The following RNPEP variants were observed in gnomAD, a reference collection of about 807,000 sequenced individuals.
RNPEP encodes the protein arginyl aminopeptidase.
A neutral mutation model predicts 70.1 loss-of-function variants in RNPEP; 57 were observed. The observed-to-expected ratio is 0.81, with a 90% confidence interval of 0.66 to 1.01. The LOEUF is 1.01. Ranked by LOEUF, RNPEP falls within the 50% of genes least tolerant of loss-of-function variation. The pLI, the probability that RNPEP is intolerant of heterozygous loss-of-function variation, is 0.00. For missense variants in RNPEP, 787 were observed against 852.4 expected, an observed-to-expected ratio of 0.92 and a Z score of 0.96; for synonymous variants, 335 against 357.4, an observed-to-expected ratio of 0.94 and a Z score of 0.71.
At chr1:201,986,536 C>CTTTCTTTTTTTTTT (rs1553303391) in intron 1 of RNPEP, among the ~76,000 whole-genome samples, 13 of 80,588 alleles carry the variant, frequency 1.6e-4, no homozygotes, top group East Asian at 6.4e-4. Flanking sequence ...CATTTTCTTT[C>CTTTCTTTTTTTTTT]TTTTTTTTTT....
intron 3 of RNPEP, among the ~76,000 whole-genome samples, chr1:201,992,533 C>T (rs1683378736): frequency 6.6e-6 from 1 of 152,068 alleles, no homozygotes; most frequent in African/African-American, 2.4e-5. Context: ...GCCTCTCTCC[C>T]ACTATATTCC....
intron 1 of RNPEP, 33 bp downstream of exon 1, chr1:201,983,146 C>A (rs1212408136): frequency 1.4e-6 from 2 of 1,436,486 alleles, no homozygotes; most frequent in Non-Finnish European, 1.8e-6. Context: ...CCGCCGCTGC[C>A]TGCCTGCCCT....
intron 10 of RNPEP, 44 bp from the exon 11 acceptor site, chr1:202,005,514 C>T: frequency 6.2e-7 from 1 of 1,606,286 alleles, no homozygotes; most frequent in Non-Finnish European, 8.5e-7. Context: ...TGGACAGATC[C>T]ACCAGGCAAG....
At chr1:201,989,552 A>G (rs771556607) in intron 3 of RNPEP, 21 bp downstream of exon 3, 1 of 1,613,872 alleles carries the variant, frequency 6.2e-7, no homozygotes, top group South Asian at 1.1e-5. Context: ...AAGACCCCAC[A>G]GGCAAGGTTG....
chr1:201,984,835 T>TG (rs1683075235), intron 1 of RNPEP, among the ~76,000 whole-genome samples: 24 of 109,548 alleles, frequency 2.2e-4, no homozygotes, highest in African/African-American at 6.9e-4. Context: ...TTTTTTTTTT[T>TG]TTTTTTTTTT....
chr1:201,988,632 C>A (rs7535446), intron 1 of RNPEP, among the ~76,000 whole-genome samples: 118,161 of 151,984 alleles, frequency 0.78, 46,125 homozygotes, highest in Admixed American at 0.81. Context: ...ATCAGAGGCT[C>A]GGTCCAAGGT....
intron 2 of RNPEP, 70 bp downstream of exon 2, chr1:201,989,114 C>T: frequency 6.5e-7 from 1 of 1,544,610 alleles, no homozygotes; most frequent in Non-Finnish European, 8.8e-7. Flanking sequence ...TCAATCAGGT[C>T]ACGTTTCAGT....
At chr1:202,001,061 G>GGGAGA (rs1683780664) in intron 6 of RNPEP, 5 of 320,502 alleles carry the variant, frequency 1.6e-5, no homozygotes, top group Non-Finnish European at 2.3e-5. Flanking sequence ...TCCTCTGGAA[G>GGGAGA]GCTGGTTTCT....
rs1325780621 is a variant in RNPEP, at chr1:201,989,416, A to G, written c.622A>G (p.Ser208Gly). ...TGGCTTCACAGCTGTGATGAGTGCT[A>G]GCACCTGGGAGAAGAGAGGTCCAAA... ...PDGFTAVMSASTWEKRGPNKF... is the reference protein window; with the variant it reads ...PDGFTAVMSAGTWEKRGPNKF... Residue 208 changes from serine to glycine, a missense_variant, in exon 3 of 11, where the codon AGC becomes GGC. Ser to Gly is a moderately conservative substitution (Grantham distance 56). Coordinates refer to ENST00000295640, the MANE Select transcript of RNPEP (RefSeq NM_020216.4). The G allele has an allele frequency of 3.1e-6, 5 of 1,614,104 alleles. No homozygotes were observed. The highest frequency in any genetic ancestry group is 4.2e-6 in the Non-Finnish European group (5 of 1,180,046).
chr1:201,989,434 G>T lies in RNPEP; in HGVS notation c.640G>T (p.Gly214Cys). 1 of 1,614,186 alleles carries T rather than the reference G, an allele frequency of 6.2e-7. No individual in the cohort carries two copies. Among genetic ancestry groups the T allele is most frequent in the South Asian group, 1.1e-5 (1 of 91,086 alleles). ...VMSASTWEKR[G>C]PNKFFFQMCQ... ...GAGTGCTAGCACCTGGGAGAAGAGA[G>T]GTCCAAATAAGTTCTTCTTCCAGAT... Residue 214 changes from glycine to cysteine, a missense_variant, in exon 3 of 11, where the codon GGT becomes TGT. Physicochemically the swap from Gly to Cys is radical, Grantham distance 159. Coordinates refer to ENST00000295640, the MANE Select transcript of RNPEP (RefSeq NM_020216.4).
At chr1:201,992,329 A>G (rs535179056) in intron 3 of RNPEP, among the ~76,000 whole-genome samples, 7 of 151,776 alleles carry the variant, frequency 4.6e-5, no homozygotes, top group Non-Finnish European at 8.8e-5. Flanking sequence ...CACAACACCA[A>G]CCTTCAGGGT....
chr1:202,005,626 CG>C lies in RNPEP; in HGVS notation c.1864del (p.Ala622ProfsTer57). On this transcript the variant is annotated frameshift_variant, in exon 11 of 11. Transcript: ENST00000295640. LOFTEE classifies it high-confidence loss of function. ...GTGGCAGTGAGGTGGCCCAGACCCT[CG>C]CCAAGGAGACTTTTGCATCCACCGC... Reference protein sequence around the residue: ...MGGSEVAQTLAKETFASTASQ... With the variant: ...MGGSEVAQTLXKETFASTASQ... 6.2e-7 allele frequency: 1 copy of C among 1,614,190 alleles called. No homozygotes were observed. The highest frequency in any genetic ancestry group is 1.1e-5 in the South Asian group (1 of 91,086).
chr1:202,002,249 C>T (rs922764345), intron 8 of RNPEP, among the ~76,000 whole-genome samples: 2 of 151,926 alleles, frequency 1.3e-5, no homozygotes, highest in South Asian at 2.1e-4. Flanking sequence ...CCGCAACCTC[C>T]GCCTGCCGGG....
rs1489424290 is a variant in RNPEP, at chr1:201,997,389, AC to A, written c.930del (p.Cys311AlafsTer3). ...GGAGAACCCTTGTCTGACCTTTGTC[AC>A]CCCCTGCCTGCTAGCTGGGGACCGC... ...GMENPCLTFV[T>X]PCLLAGDRSL... On this transcript the variant is annotated frameshift_variant, in exon 5 of 11. Transcript: ENST00000295640. LOFTEE classifies it high-confidence loss of function. 6.2e-7 allele frequency: 1 copy of A among 1,613,532 alleles called. No individual in the cohort carries two copies. Among genetic ancestry groups the A allele is most frequent in the Non-Finnish European group, 8.5e-7 (1 of 1,179,944 alleles).
At chr1:201,997,220 T>A in intron 4 of RNPEP, 99 bp from the exon 5 acceptor site, 3 of 865,634 alleles carry the variant, frequency 3.5e-6, no homozygotes, top group Non-Finnish European at 5.9e-6. Context: ...GTTTAGTGAC[T>A]GCATCTGTTA....
chr1:201,982,796 C>A lies in RNPEP; in HGVS notation c.130C>A (p.Arg44=). 7.4e-7 allele frequency: 1 copy of A among 1,348,896 alleles called. No individual in the cohort carries two copies. The highest frequency in any genetic ancestry group is 2.0e-5 in the South Asian group (1 of 50,346). 83.6% of individuals were successfully genotyped at this position (1,348,896 alleles called of 1,614,324 possible). Residue 44 remains arginine (R), a synonymous_variant, in exon 1 of 11, where the codon CGG becomes AGG. Transcript: ENST00000295640. ...FELLHLHLDL[R]AEFGPPGPGA... The stretch of plus-strand genomic sequence containing the variant: ...GCTGCTGCACTTGCACCTGGACCTG[C>A]GGGCTGAGTTCGGGCCTCCAGGGCC...
chr1:201,996,638 C>T (rs563980693), intron 4 of RNPEP, among the ~76,000 whole-genome samples: 9 of 152,218 alleles, frequency 5.9e-5, no homozygotes, highest in East Asian at 1.9e-4. Context: ...GGATTACAGA[C>T]GCCCTCCACC....
In RNPEP at chr1:202,003,226, C is replaced by T; in HGVS notation, c.1427-11C>T. 1.9e-6 allele frequency: 3 copies of T among 1,602,154 alleles called. No homozygotes were observed. The highest frequency in any genetic ancestry group is 1.1e-5 in the South Asian group (1 of 90,420). On this transcript the variant is annotated splice_polypyrimidine_tract_variant and intron_variant, in intron 8 of 10. Transcript: ENST00000295640. ...GAGAATTCTGATAGTGTCTTCTCTC[C>T]TCCCAAACAGGTTTTGAGTTTGATC...
chr1:201,989,167 C>A (rs911951982), intron 2 of RNPEP, 123 bp downstream of exon 2: 10 of 1,373,620 alleles, frequency 7.3e-6, no homozygotes, highest in Non-Finnish European at 1.0e-5. Flanking sequence ...TGAAAAATTG[C>A]TTACTTTTAA....
Sources: gnomAD v4.1 joint callset for allele counts (sites outside exome capture counted in the v4.1 genomes callset) on GRCh38, gnomAD v4.1.1 for gene constraint, MANE v1.5 for transcripts, NCBI Gene and HGNC (gene_info 2026-07-23, HGNC 2026-07-21) for gene names.